COX6C: variants seen among roughly 807,000 people sequenced by gnomAD.
The protein encoded by COX6C is cytochrome c oxidase polypeptide VIc.
Under a neutral mutation model 6.9 loss-of-function variants are expected in COX6C, and 3 were observed. That is an observed-to-expected ratio of 0.43 (90% CI 0.20 to 1.12). The LOEUF (loss-of-function observed/expected upper bound fraction) is 1.12, where lower values mean the gene tolerates loss of function less well. Ranked by LOEUF, COX6C falls within the 50% of genes most tolerant of loss-of-function variation. COX6C has a pLI of 0.27. For missense variants in COX6C, 101 were observed against 97.3 expected, an observed-to-expected ratio of 1.04 and a Z score of -0.16; for synonymous variants, 32 against 32.0, an observed-to-expected ratio of 1.00 and a Z score of 0.00.
chr8:99,891,789 G>A (rs1261497059), intron 2 of COX6C, 119 bp downstream of exon 2: 5 of 829,040 alleles, frequency 6.0e-6, no homozygotes, highest in Non-Finnish European at 1.0e-5. Flanking sequence ...CTGTCACACT[G>A]AGGTGAGTGC....
intron 2 of COX6C, among the ~76,000 whole-genome samples, chr8:99,889,461 C>G (rs973361348): frequency 6.6e-6 from 1 of 151,036 alleles, no homozygotes; most frequent in Non-Finnish European, 1.5e-5. Context: ...ACTCGGCTCA[C>G]TGTAACCTCC....
chr8:99,891,696 AG>A (rs1419584664), intron 2 of COX6C, among the ~76,000 whole-genome samples: 11 of 152,312 alleles, frequency 7.2e-5, no homozygotes, highest in Non-Finnish European at 1.5e-4. Flanking sequence ...AGCAAATTTA[AG>A]GCACCCAGTC....
chr8:99,881,960 A>T (rs1486595703), intron 3 of COX6C, among the ~76,000 whole-genome samples: 1 of 152,212 alleles, frequency 6.6e-6, no homozygotes, highest in Non-Finnish European at 1.5e-5. Flanking sequence ...AATCAGACAA[A>T]ATAGACCAAG....
At chr8:99,878,777 A>G (rs1458911185) in intron 3 of COX6C, 6 of 152,232 alleles carry the variant, frequency 3.9e-5, no homozygotes, top group Admixed American at 1.3e-4. Flanking sequence ...AAAATTTCAA[A>G]GTTAAAGCAG....
chr8:99,885,341 AAAAC>A (rs1424641138), intron 3 of COX6C, among the ~76,000 whole-genome samples: 1 of 152,238 alleles, frequency 6.6e-6, no homozygotes, highest in African/African-American at 2.4e-5. Context: ...ACGTACACGA[AAAAC>A]AACATAATAT....
At chr8:99,882,003 T>G (rs1365094919) in intron 3 of COX6C, among the ~76,000 whole-genome samples, 3 of 152,132 alleles carry the variant, frequency 2.0e-5, no homozygotes, top group Non-Finnish European at 4.4e-5. Flanking sequence ...AAAAGAACAT[T>G]CTATAATTTA....
chr8:99,889,957 G>A (rs1371957529), intron 2 of COX6C, among the ~76,000 whole-genome samples: 1 of 151,870 alleles, frequency 6.6e-6, no homozygotes, highest in East Asian at 2.0e-4. Context: ...AGCCGGGTGT[G>A]GTGGCGGACG....
chr8:99,890,614 TG>T (rs1818019479), intron 2 of COX6C, among the ~76,000 whole-genome samples: 1 of 152,182 alleles, frequency 6.6e-6, no homozygotes, highest in African/African-American at 2.4e-5. Context: ...CCTGCCTTAA[TG>T]AGGCTCACAG....
intron 2 of COX6C, 47 bp downstream of exon 2, chr8:99,891,861 A>G (rs1482708582): frequency 1.3e-6 from 2 of 1,565,432 alleles, no homozygotes; most frequent in Admixed American, 3.3e-5. Context: ...TTTCAACCAA[A>G]AACACATACT....
Position 99,887,527 on chromosome 8 carries a change from C to T in COX6C, c.206G>A (p.Gly69Asp). ...AGATTACTTTACACTCTGAAAGATA[C>T]CAGCCTTCCTCATCTCCTCAAAATC... Reference protein sequence around the residue: ...MKDFEEMRKAGIFQSVK With the variant: ...MKDFEEMRKADIFQSVK The change falls in exon 3 of 4, where the codon GGT becomes GAT. Residue 69 changes from glycine (G) to aspartate (D), a missense_variant. Coordinates refer to ENST00000520468, the MANE Select transcript of COX6C (RefSeq NM_004374.4). The T allele has an allele frequency of 6.2e-7, 1 of 1,604,764 alleles. No individual in the cohort carries two copies. The highest frequency in any genetic ancestry group is 8.5e-7 in the Non-Finnish European group (1 of 1,176,194).
intron 2 of COX6C, among the ~76,000 whole-genome samples, chr8:99,891,198 C>T (rs1818027147): frequency 6.6e-6 from 1 of 152,190 alleles, no homozygotes; most frequent in Admixed American, 6.5e-5. Context: ...GGCTTTATAA[C>T]TAAGTTAAAA....
chr8:99,881,552 T>A (rs1168772012), intron 3 of COX6C, among the ~76,000 whole-genome samples: 1 of 152,130 alleles, frequency 6.6e-6, no homozygotes, highest in African/African-American at 2.4e-5. Context: ...TATATGCAAT[T>A]GAGGTTGTTT....
intron 1 of COX6C, among the ~76,000 whole-genome samples, chr8:99,892,803 G>A (rs113152311): frequency 2.4e-3 from 364 of 152,238 alleles, no homozygotes; most frequent in African/African-American, 8.3e-3. Context: ...CAGTAGCTCC[G>A]CATTGGTAAT....
chr8:99,888,530 T>G (rs1817980625), intron 2 of COX6C, among the ~76,000 whole-genome samples: 1 of 151,982 alleles, frequency 6.6e-6, no homozygotes, highest in Non-Finnish European at 1.5e-5. Flanking sequence ...GCCGAGATGG[T>G]GACGCTGCAC....
chr8:99,887,417 G>T, intron 3 of COX6C, 73 bp downstream of exon 3: 2 of 767,776 alleles, frequency 2.6e-6, no homozygotes, highest in Non-Finnish European at 2.0e-6. Flanking sequence ...ACATTGTGAG[G>T]GACAGTCACC....
intron 3 of COX6C, among the ~76,000 whole-genome samples, chr8:99,885,041 T>A (rs556350127): frequency 6.6e-6 from 1 of 152,262 alleles, no homozygotes; most frequent in African/African-American, 2.4e-5. Context: ...TAGAGCACCC[T>A]CCGGGTGGGG....
Position 99,878,182 on chromosome 8 carries a change from A to G in COX6C, c.*99T>C, listed in dbSNP as rs143002226. 17 of 152,328 alleles carry G rather than the reference A, an allele frequency of 1.1e-4. No homozygotes were observed. The East Asian group carries it at 3.1e-3, about 28-fold the overall frequency. 9.4% of individuals were successfully genotyped at this position (152,328 alleles called of 1,614,324 possible). A position where few individuals can be genotyped will look rare whatever the true frequency, so the allele number is the denominator to read the frequency against. On this transcript the variant is annotated 3_prime_UTR_variant, in exon 4 of 4. Transcript: ENST00000520468. ...AATTGTTTATTTATCAAGAGGAACT[A>G]TTTCTTAGCCCACATATTCATGTGT...
intron 3 of COX6C, among the ~76,000 whole-genome samples, chr8:99,883,453 G>GTATA (rs1554593062): frequency 7.4e-4 from 100 of 135,186 alleles, no homozygotes; most frequent in African/African-American, 2.5e-3. Context: ...GTGTGTGTGT[G>GTATA]TATATATATA....
Position 99,891,933 on chromosome 8 carries a change from G to A in COX6C, c.89C>T (p.Ser30Phe). The change falls in exon 2 of 4, where the codon TCC (serine) becomes TTC (phenylalanine). Residue 30 changes from serine (S) to phenylalanine (F), a missense_variant. Transcript: ENST00000520468. ...RNHMAVAFVL[S>F]LGVAALYKFR... Reference sequence around the variant, plus strand: ...CTTATACAAAGCTGCAACCCCCAGGGATAGCACGAATGCTACAGCCATATG... The same window carrying A: ...CTTATACAAAGCTGCAACCCCCAGGAATAGCACGAATGCTACAGCCATATG... 2 of 1,614,138 alleles carry A rather than the reference G, an allele frequency of 1.2e-6. No individual in the cohort carries two copies. The highest frequency in any genetic ancestry group is 1.7e-6 in the Non-Finnish European group (2 of 1,180,024).
Sources: allele counts gnomAD v4.1 joint callset (sites outside exome capture counted in the v4.1 genomes callset), GRCh38; gene constraint gnomAD v4.1.1; transcripts MANE v1.5; gene names NCBI Gene and HGNC (gene_info 2026-07-23, HGNC 2026-07-21).